Variants in UMAD1 observed in about 807,000 individuals in gnomAD.
The protein encoded by UMAD1 is UBAP1-MVB12-associated (UMA) domain containing 1.
UMAD1 carries 8 observed loss-of-function variants against 6.1 expected under a neutral mutation model. That is an observed-to-expected ratio of 1.30 (90% confidence interval 0.76 to 2.35). UMAD1 has a LOEUF of 2.35. Among genes scored for constraint, UMAD1 ranks in the 30% most tolerant of loss-of-function variants. The pLI, the probability that UMAD1 is intolerant of heterozygous loss-of-function variation, is 0.00. For synonymous variants in UMAD1, 56 were observed against 31.4 expected, an observed-to-expected ratio of 1.78 and a Z score of -2.61; for missense variants, 130 against 78.4, an observed-to-expected ratio of 1.66 and a Z score of -2.49.
chr7:7,742,767 A>G (rs939590767), intron 2 of UMAD1, among the ~76,000 whole-genome samples: 1 of 152,214 alleles, frequency 6.6e-6, no homozygotes, highest in Admixed American at 6.5e-5. Context: ...ATTGCTTGAC[A>G]TTTTAATTTT....
At chr7:7,785,840 G>T (rs1210541911) in intron 2 of UMAD1, among the ~76,000 whole-genome samples, 1 of 151,924 alleles carries the variant, frequency 6.6e-6, no homozygotes, top group Non-Finnish European at 1.5e-5. Context: ...AGGTGAAAGG[G>T]GTAAAGGATT....
chr7:7,822,356 A>AG (rs1481020410), intron 3 of UMAD1, among the ~76,000 whole-genome samples: 1 of 151,986 alleles, frequency 6.6e-6, no homozygotes, highest in Non-Finnish European at 1.5e-5. Flanking sequence ...TTCTCTGAAA[A>AG]GGTAGTAAGT....
chr7:7,676,858 T>A (rs1479611546), intron 2 of UMAD1, among the ~76,000 whole-genome samples: 1 of 152,124 alleles, frequency 6.6e-6, no homozygotes, highest in Admixed American at 6.5e-5. Context: ...TATAGTTAAT[T>A]GTCTTTAAAG....
intron 3 of UMAD1, among the ~76,000 whole-genome samples, chr7:7,854,355 C>CAAAAAAAAAA (rs34829393): frequency 2.2e-4 from 11 of 49,152 alleles, no homozygotes; most frequent in Non-Finnish European, 2.9e-4. Context: ...AGCTCCATCT[C>CAAAAAAAAAA]AAAAAAAAAA....
chr7:7,835,129 T>C (rs1262748155), intron 3 of UMAD1, among the ~76,000 whole-genome samples: 2 of 152,186 alleles, frequency 1.3e-5, no homozygotes, highest in Non-Finnish European at 2.9e-5. Context: ...ATTGATCCTA[T>C]TATGTTTTAT....
chr7:7,707,278 T>A (rs1252403555), intron 2 of UMAD1, among the ~76,000 whole-genome samples: 1 of 152,196 alleles, frequency 6.6e-6, no homozygotes, highest in Non-Finnish European at 1.5e-5. Flanking sequence ...GAATGAATGT[T>A]ATCACCAAGT....
At position 7,646,258 on chromosome 7, in the gene UMAD1, T is replaced by C. The variant is rs116367126; in HGVS notation, c.-64+5437T>C. On this transcript the variant is annotated intron_variant, in intron 1 of 3. Coordinates refer to ENST00000682710, the MANE Select transcript of UMAD1 (RefSeq NM_001302348.2). ...AAAGATGGTGAATGTGGGCATTTTA[T>C]TGAGTGATGGAGGTGGCTCTCAGTG... 4.9e-3 allele frequency among the ~76,000 whole-genome samples: 741 copies of C among 152,130 alleles called. 6 individuals are homozygous for C. The highest frequency in any genetic ancestry group is 0.017 in the African/African-American group (696 of 41,504).
At chr7:7,681,367 G>A (rs1385151079) in intron 2 of UMAD1, among the ~76,000 whole-genome samples, 1 of 152,076 alleles carries the variant, frequency 6.6e-6, no homozygotes, top group Non-Finnish European at 1.5e-5. Context: ...TTCAGGTCTG[G>A]GCAGAGTCTA....
chr7:7,842,861 A>G (rs566685694), intron 3 of UMAD1, among the ~76,000 whole-genome samples: 2 of 152,298 alleles, frequency 1.3e-5, no homozygotes, highest in African/African-American at 4.8e-5. Flanking sequence ...GAATACAGTT[A>G]TTGTTAAAAA....
At position 7,876,806 on chromosome 7, in the gene UMAD1, A is replaced by T. The variant is rs554656425; in HGVS notation, c.157-475A>T. Among the ~76,000 whole-genome samples, 4 of 152,344 alleles carry T rather than the reference A, an allele frequency of 2.6e-5. No individual in the cohort carries two copies. In the East Asian group the frequency reaches 7.7e-4, roughly 29 times the overall value. Reference sequence around the variant, plus strand: ...CCTATAGTCTAGTTGGAGATAAGATATATTTGCATATGGAACAGCAATTTG... The same window carrying T: ...CCTATAGTCTAGTTGGAGATAAGATTTATTTGCATATGGAACAGCAATTTG... On this transcript the variant is annotated intron_variant, in intron 3 of 3. Coordinates refer to ENST00000682710, the MANE Select transcript of UMAD1 (RefSeq NM_001302348.2).
chr7:7,772,452 C>T (rs775317012), intron 2 of UMAD1: 2 of 152,156 alleles, frequency 1.3e-5, no homozygotes, highest in Admixed American at 1.3e-4. Context: ...TCTGGTACAT[C>T]TGGTAAGTTA....
chr7:7,761,229 G>T (rs542634624), intron 2 of UMAD1, among the ~76,000 whole-genome samples: 4 of 152,054 alleles, frequency 2.6e-5, no homozygotes, highest in Non-Finnish European at 4.4e-5. Context: ...AGCCAATATG[G>T]TGGTATGTGC....
intron 3 of UMAD1, among the ~76,000 whole-genome samples, chr7:7,839,324 G>A (rs1372285123): frequency 6.6e-6 from 1 of 151,962 alleles, no homozygotes; most frequent in Non-Finnish European, 1.5e-5. Context: ...CAGTCCTCCT[G>A]CCTCAGCCTC....
At chr7:7,687,946 C>T (rs1780079036) in intron 2 of UMAD1, among the ~76,000 whole-genome samples, 1 of 152,206 alleles carries the variant, frequency 6.6e-6, no homozygotes, top group Non-Finnish European at 1.5e-5. Flanking sequence ...TGCTTGGCAG[C>T]ACCAAAGGAA....
intron 2 of UMAD1, among the ~76,000 whole-genome samples, chr7:7,796,556 A>G (rs1217487151): frequency 2.6e-5 from 4 of 151,948 alleles, no homozygotes; most frequent in Admixed American, 6.6e-5. Flanking sequence ...CGGCCGACCC[A>G]TTTCTTTGTA....
chr7:7,664,183 T>C lies in UMAD1; in HGVS notation c.-63-9126T>C, dbSNP rs1012886663. On this transcript the variant is annotated intron_variant, in intron 1 of 3. Coordinates refer to ENST00000682710, the MANE Select transcript of UMAD1 (RefSeq NM_001302348.2). The stretch of plus-strand genomic sequence containing the variant: ...TGAAATGGAATTTACTATTATTTTC[T>C]TCTCTTAAGATAAAGTCCCCTACTT... 4.6e-5 allele frequency among the ~76,000 whole-genome samples: 7 copies of C among 152,346 alleles called. No individual in the cohort carries two copies. The East Asian group carries it at 1.3e-3, about 29-fold the overall frequency.
At chr7:7,800,663 C>G (rs1222864651) in intron 2 of UMAD1, among the ~76,000 whole-genome samples, 1 of 152,162 alleles carries the variant, frequency 6.6e-6, no homozygotes, top group Non-Finnish European at 1.5e-5. Flanking sequence ...AAATCCTTCA[C>G]AATTTTCATG....
At position 7,877,652 on chromosome 7, in the gene UMAD1, G is replaced by A; in HGVS notation, c.*114G>A. The stretch of plus-strand genomic sequence containing the variant: ...TAAGGTCCTCAGCAAGGATCATAAA[G>A]CAAAGAAAATAGCATTATGTTCACT... On this transcript the variant is annotated 3_prime_UTR_variant, in exon 4 of 4. Transcript: ENST00000682710. The A allele has an allele frequency of 1.6e-6, 1 of 618,290 alleles. No individual in the cohort carries two copies. The allele number at this position is 618,290 out of a possible 1,614,324, so 38.3% of individuals were successfully genotyped here. A position where few individuals can be genotyped will look rare whatever the true frequency, so the allele number is the denominator to read the frequency against.
At chr7:7,846,511 T>C (rs555354852) in intron 3 of UMAD1, among the ~76,000 whole-genome samples, 1 of 152,250 alleles carries the variant, frequency 6.6e-6, no homozygotes, top group African/African-American at 2.4e-5. Context: ...AAATATCACA[T>C]GTATAAAATA....
Sources: gnomAD v4.1 joint callset for allele counts (sites outside exome capture counted in the v4.1 genomes callset) on GRCh38, gnomAD v4.1.1 for gene constraint, MANE v1.5 for transcripts, NCBI Gene and HGNC (gene_info 2026-07-23, HGNC 2026-07-21) for gene names.